OSBPL9: variants seen among roughly 807,000 people sequenced by gnomAD.
OSBPL9 encodes oxysterol binding protein like 9, also known as oxysterol-binding protein-related protein 9.
In OSBPL9, 40 loss-of-function variants were observed where a neutral mutation model predicts 106.6. The observed-to-expected ratio is 0.38, with a 90% CI of 0.29 to 0.49. OSBPL9 has a LOEUF of 0.49. Ranked by LOEUF, OSBPL9 falls within the 20% of genes least tolerant of loss-of-function variation. OSBPL9 has a pLI of 0.97. For missense variants in OSBPL9, 609 were observed against 887.2 expected (o/e 0.69, Z 3.98); for synonymous variants, 269 against 295.4 (o/e 0.91, Z 0.92).
At chr1:51,596,252 C>T in intron 1 of OSBPL9, among the ~76,000 whole-genome samples, 1 of 131,020 alleles carries the variant, frequency 7.6e-6, no homozygotes. Flanking sequence ...GAGTGAGACG[C>T]TGTCTCAAAA....
At chr1:51,557,704 TCTC>T in the OSBPL9 span, among the ~76,000 whole-genome samples, 2 of 152,162 alleles carry the variant, frequency 1.3e-5, no homozygotes, top group South Asian at 4.1e-4. Flanking sequence ...ACAAATCAAG[TCTC>T]CTCGCTGAGT....
chr1:51,587,182 A>G lies in OSBPL9; in HGVS notation c.-423+9926A>G, dbSNP rs1186913164. ...GGAGTTCGAGACTGGCCTGGCCAAC[A>G]TGAGAAACCCCATCTCTACTAAAAA... On this transcript the variant is annotated intron_variant, in intron 1 of 25. Coordinates refer to the OSBPL9 transcript ENST00000371714. 5.9e-5 allele frequency among the ~76,000 whole-genome samples: 9 copies of G among 152,160 alleles called. No individual in the cohort carries two copies. The East Asian group carries it at 1.7e-3, about 29-fold the overall frequency.
intron 3 of OSBPL9, among the ~76,000 whole-genome samples, chr1:51,690,898 T>G (rs528948669): frequency 2.2e-4 from 34 of 152,362 alleles, no homozygotes; most frequent in African/African-American, 8.2e-4. Flanking sequence ...GATAGCCTAA[T>G]GTACACCTAA....
At chr1:51,616,028 T>TTTTTTTTTTG, upstream of OSBPL9, among the ~76,000 whole-genome samples, 1 of 137,954 alleles carries the variant, frequency 7.2e-6, no homozygotes. Flanking sequence ...TTTTTTTTTT[T>TTTTTTTTTTG]GTGTGAGAGA....
intron 1 of OSBPL9, among the ~76,000 whole-genome samples, chr1:51,623,059 A>G (rs57568075): frequency 6.6e-6 from 1 of 152,332 alleles, no homozygotes; most frequent in African/African-American, 2.4e-5. Flanking sequence ...ATTGGCTTGA[A>G]TACTGCTGAA....
chr1:51,522,191 T>C, the OSBPL9 span, among the ~76,000 whole-genome samples: 1 of 152,232 alleles, frequency 6.6e-6, no homozygotes, highest in African/African-American at 2.4e-5. Context: ...AAGGAACAAA[T>C]ATTTTATAAA....
chr1:51,641,856 A>C (rs1004846836), intron 1 of OSBPL9, among the ~76,000 whole-genome samples: 1 of 152,220 alleles, frequency 6.6e-6, no homozygotes, highest in Non-Finnish European at 1.5e-5. Context: ...TATATCGAAG[A>C]GAATCTAGAT....
chr1:51,710,225 T>G (rs1317669539), intron 3 of OSBPL9, among the ~76,000 whole-genome samples: 3 of 152,158 alleles, frequency 2.0e-5, no homozygotes, highest in African/African-American at 7.2e-5. Flanking sequence ...TCCAGATGCT[T>G]ATAGGACCTG....
the OSBPL9 span, among the ~76,000 whole-genome samples, chr1:51,542,682 T>C: frequency 6.6e-6 from 1 of 152,222 alleles, no homozygotes; most frequent in South Asian, 2.1e-4. Flanking sequence ...GTAAGGTATA[T>C]GTTATTATAA....
chr1:51,711,227 C>G (rs1659739202), intron 3 of OSBPL9, among the ~76,000 whole-genome samples: 2 of 151,390 alleles, frequency 1.3e-5, no homozygotes, highest in South Asian at 4.2e-4. Flanking sequence ...CTGGGCACAC[C>G]TCCCAGACGG....
the OSBPL9 span, among the ~76,000 whole-genome samples, chr1:51,523,313 C>T: frequency 2.6e-5 from 4 of 151,542 alleles, no homozygotes; most frequent in African/African-American, 9.7e-5. Context: ...TGCTATGTTG[C>T]CTAGGCTGGT....
intron 3 of OSBPL9, among the ~76,000 whole-genome samples, chr1:51,670,969 C>T (rs972396284): frequency 1.3e-5 from 2 of 152,182 alleles, no homozygotes; most frequent in Admixed American, 6.5e-5. Context: ...CCTTTGGACC[C>T]TCAGAAGCTG....
At chr1:51,780,201 A>G (rs1571752625) in intron 15 of OSBPL9, among the ~76,000 whole-genome samples, 2 of 150,564 alleles carry the variant, frequency 1.3e-5, no homozygotes, top group African/African-American at 2.5e-5. Flanking sequence ...GAATGGCCAT[A>G]TTAAAAAAAA....
chr1:51,692,813 C>T (rs1655253778), intron 3 of OSBPL9, among the ~76,000 whole-genome samples: 1 of 151,912 alleles, frequency 6.6e-6, no homozygotes. Flanking sequence ...AGGAGTGAGC[C>T]ACTGCACCCC....
At chr1:51,518,765 G>T in the OSBPL9 span, among the ~76,000 whole-genome samples, 1 of 151,940 alleles carries the variant, frequency 6.6e-6, no homozygotes, top group Non-Finnish European at 1.5e-5. Context: ...CCTGGCGGGC[G>T]AGCCTCGTGC....
intron 2 of OSBPL9, among the ~76,000 whole-genome samples, chr1:51,656,049 C>T (rs1557647064): frequency 6.6e-6 from 1 of 152,156 alleles, no homozygotes; most frequent in Non-Finnish European, 1.5e-5. Context: ...GTGTAGTGTT[C>T]TGGAACCTTT....
At chr1:51,646,577 T>A (rs766676206) in intron 1 of OSBPL9, among the ~76,000 whole-genome samples, 1 of 152,296 alleles carries the variant, frequency 6.6e-6, no homozygotes, top group East Asian at 1.9e-4. Context: ...GGAGTTTTGC[T>A]CCATTGCCCA....
intron 1 of OSBPL9, among the ~76,000 whole-genome samples, chr1:51,640,483 T>C (rs999592655): frequency 1.3e-5 from 2 of 152,222 alleles, no homozygotes; most frequent in Non-Finnish European, 2.9e-5. Flanking sequence ...GTGCTTTTTA[T>C]TAGATATTAT....
At chr1:51,533,860 T>C in the OSBPL9 span, among the ~76,000 whole-genome samples, 7 of 149,120 alleles carry the variant, frequency 4.7e-5, no homozygotes, top group Non-Finnish European at 1.0e-4. Flanking sequence ...TTTTTTTTTT[T>C]TTGCAGAGGA....
Sources: allele counts gnomAD v4.1 joint callset (sites outside exome capture counted in the v4.1 genomes callset), GRCh38; gene constraint gnomAD v4.1.1; transcripts MANE v1.5; gene names NCBI Gene and HGNC (gene_info 2026-07-23, HGNC 2026-07-21).